KLHL15: variants seen among roughly 807,000 people sequenced by gnomAD.
KLHL15 encodes kelch like family member 15.
Under a neutral mutation model 29.3 loss-of-function variants are expected in KLHL15, and 1 was observed. The observed-to-expected ratio is 0.03, with a 90% confidence interval of 0.01 to 0.16. The LOEUF is 0.16. KLHL15 is among the 10% of genes least tolerant of loss of function. KLHL15 has a pLI of 1.00. For missense variants in KLHL15, 215 were observed against 478.5 expected (o/e 0.45, Z 5.14); for synonymous variants, 212 against 184.5 (o/e 1.15, Z -1.21).
chrX:23,993,800 G>A (rs182314027), intron 3 of KLHL15, among the ~76,000 whole-genome samples: 1 of 109,671 alleles, frequency 9.1e-6, no homozygotes, highest in East Asian at 2.8e-4. Flanking sequence ...AGGTCGAGGC[G>A]GGCAAATCAC....
chrX:24,020,559 A>C (rs1459377238), intron 2 of KLHL15, among the ~76,000 whole-genome samples: 1 of 111,715 alleles, frequency 9.0e-6, no homozygotes, highest in African/African-American at 3.3e-5. Flanking sequence ...AGGTATGTTT[A>C]GCATTTCGTC....
intron 3 of KLHL15, among the ~76,000 whole-genome samples, chrX:23,998,098 A>G (rs1266422573): frequency 9.0e-6 from 1 of 110,545 alleles, no homozygotes; most frequent in Non-Finnish European, 1.9e-5. Context: ...AGTAGCTGGG[A>G]TTACAGGCAC....
intron 2 of KLHL15, among the ~76,000 whole-genome samples, chrX:24,019,024 GTTAT>G (rs997800505): frequency 9.0e-6 from 1 of 111,566 alleles, no homozygotes; most frequent in Non-Finnish European, 1.9e-5. Flanking sequence ...ATAAAGAATA[GTTAT>G]TTGTCTTTTT....
chrX:23,988,701 A>C lies in KLHL15; in HGVS notation c.1035T>G (p.Ala345=), dbSNP rs369172320. The change falls in exon 4 of 4, where the codon GCT becomes GCG. Residue 345 remains alanine, a synonymous_variant. Coordinates refer to ENST00000328046, the MANE Select transcript of KLHL15 (RefSeq NM_030624.3). ...GGTCATACCTGAATACTTTGGAAGA[A>C]GCATGGAATTCACCATCCGGGCCCA... ...EELGPDGEFH[A]SSKVFRYDPR... 1 of 1,209,945 alleles carries C rather than the reference A, an allele frequency of 8.3e-7. No individual in the cohort carries two copies. Among genetic ancestry groups the C allele is most frequent in the African/African-American group, 1.7e-5 (1 of 57,147 alleles).
chrX:23,989,334 G>A (rs1183432161), intron 3 of KLHL15, among the ~76,000 whole-genome samples: 1 of 109,279 alleles, frequency 9.2e-6, no homozygotes, highest in Non-Finnish European at 1.9e-5. Flanking sequence ...GCCACCACGC[G>A]CCCAGCTAAT....
At chrX:24,010,003 AAAAAAG>A (rs1233323622) in intron 2 of KLHL15, among the ~76,000 whole-genome samples, 1 of 108,865 alleles carries the variant, frequency 9.2e-6, no homozygotes, top group African/African-American at 3.3e-5. Flanking sequence ...AAAAAAAAAA[AAAAAAG>A]ACTTCAACAC....
rs1387660307 is a variant in KLHL15, at chrX:23,984,596, A to G, written c.*3325T>C. Reference sequence around the variant, plus strand: ...AAAGAGCTAGTCTCCTCTGAGAGATAGCTTATAAACTGAAATAACAATTTA... The same window carrying G: ...AAAGAGCTAGTCTCCTCTGAGAGATGGCTTATAAACTGAAATAACAATTTA... On this transcript the variant is annotated 3_prime_UTR_variant, in exon 4 of 4. Coordinates refer to ENST00000328046, the MANE Select transcript of KLHL15 (RefSeq NM_030624.3). 2 of 112,593 alleles carry G rather than the reference A, an allele frequency of 1.8e-5. No individual in the cohort carries two copies. Among genetic ancestry groups the G allele is most frequent in the East Asian group, 2.7e-4 (1 of 3,646 alleles). The allele number at this position is 112,593 out of a possible 1,213,427, so 9.3% of individuals were successfully genotyped here.
chrX:24,022,471 T>C (rs1484064060), intron 2 of KLHL15, among the ~76,000 whole-genome samples: 1 of 107,520 alleles, frequency 9.3e-6, no homozygotes, highest in Non-Finnish European at 1.9e-5. Context: ...CCGTCTCTAC[T>C]AAAAATACAA....
intron 2 of KLHL15, among the ~76,000 whole-genome samples, chrX:24,015,855 C>T (rs1255291503): frequency 1.0e-4 from 11 of 109,861 alleles, no homozygotes; most frequent in African/African-American, 2.3e-4. Context: ...AAAAATTAGC[C>T]GGGCATGGTA....
At chrX:24,025,315 A>T (rs181280297) in intron 1 of KLHL15, among the ~76,000 whole-genome samples, 2,420 of 106,268 alleles carry the variant, frequency 0.023, 85 homozygotes, top group African/African-American at 0.078. Context: ...GAGCCTCGGG[A>T]TCACCCACGC....
intron 2 of KLHL15, among the ~76,000 whole-genome samples, chrX:24,021,152 T>C (rs1190685632): frequency 8.9e-6 from 1 of 111,831 alleles, no homozygotes; most frequent in Admixed American, 9.6e-5. Context: ...CAATACAACA[T>C]ATACCCTTGG....
chrX:24,002,863 A>T (rs1191692680), intron 3 of KLHL15, among the ~76,000 whole-genome samples: 1 of 112,242 alleles, frequency 8.9e-6, no homozygotes, highest in African/African-American at 3.2e-5. Flanking sequence ...CCTGGGCTCA[A>T]ATAATCCTCC....
chrX:24,001,462 A>G (rs1025125075), intron 3 of KLHL15, among the ~76,000 whole-genome samples: 15 of 111,531 alleles, frequency 1.3e-4, no homozygotes, highest in African/African-American at 4.9e-4. Context: ...TGGGTATTTT[A>G]ATGAATAATT....
chrX:24,025,887 A>C (rs1366197068), intron 1 of KLHL15, among the ~76,000 whole-genome samples: 1 of 110,285 alleles, frequency 9.1e-6, no homozygotes, highest in Non-Finnish European at 1.9e-5. Context: ...GTCGGGGCTG[A>C]GGACACTCAG....
chrX:24,010,162 A>G (rs1012620015), intron 2 of KLHL15, among the ~76,000 whole-genome samples: 2 of 110,885 alleles, frequency 1.8e-5, no homozygotes, highest in Non-Finnish European at 3.8e-5. Flanking sequence ...CCCCACTTGG[A>G]CCTGTTCCTG....
intron 2 of KLHL15, among the ~76,000 whole-genome samples, chrX:24,013,012 T>C (rs1196913465): frequency 8.9e-6 from 1 of 112,109 alleles, no homozygotes; most frequent in Non-Finnish European, 1.9e-5. Flanking sequence ...AAATATATTC[T>C]GGAAACTAAT....
intron 2 of KLHL15, among the ~76,000 whole-genome samples, chrX:24,016,910 A>T (rs1451487197): frequency 9.0e-6 from 1 of 111,036 alleles, no homozygotes; most frequent in Non-Finnish European, 1.9e-5. Flanking sequence ...AAGACTCAGG[A>T]CCCAGGTCAA....
rs747656184 is a variant in KLHL15, at chrX:23,999,823, G to A, written c.705+6166C>T. 3.6e-5 allele frequency among the ~76,000 whole-genome samples: 4 copies of A among 111,868 alleles called. No individual in the cohort carries two copies. In the South Asian group the frequency reaches 1.5e-3, roughly 41 times the overall value. ...GAACACTCTACATCTATACATAAAA[G>A]GCAGAAAACTTTAGAGGAGAAAAAC... On this transcript the variant is annotated intron_variant, in intron 3 of 3. Transcript: ENST00000328046.
rs1195908347 is a variant in KLHL15 at position 24,015,417 on chromosome X, C to T, written c.-7-8717G>A. Among the ~76,000 whole-genome samples the T allele has an allele frequency of 2.7e-5, 3 of 112,336 alleles. 1 individual carries two copies. Among genetic ancestry groups the T allele is most frequent in the Middle Eastern group, 9.3e-3 (2 of 215 alleles). On this transcript the variant is annotated intron_variant, in intron 2 of 3. Coordinates refer to ENST00000328046, the MANE Select transcript of KLHL15 (RefSeq NM_030624.3). Reference sequence around the variant, plus strand: ...ACTTTTAAAACTCATCTGCGATAGCCGAGACATATGCAGTAACTTATTTTC... The same window carrying T: ...ACTTTTAAAACTCATCTGCGATAGCTGAGACATATGCAGTAACTTATTTTC...
Sources: allele counts gnomAD v4.1 joint callset (sites outside exome capture counted in the v4.1 genomes callset), GRCh38; gene constraint gnomAD v4.1.1; transcripts MANE v1.5; gene names NCBI Gene and HGNC (gene_info 2026-07-23, HGNC 2026-07-21).